Variants in SIK3 observed in about 807,000 individuals in gnomAD.
SIK3 encodes serine/threonine-protein kinase SIK3.
A neutral mutation model predicts 144.2 loss-of-function variants in SIK3; 28 were observed. The ratio of observed to expected loss-of-function variants is 0.19; its 90% CI spans 0.14 to 0.27. The LOEUF (loss-of-function observed/expected upper bound fraction) is 0.27, where lower values mean the gene tolerates loss of function less well. SIK3 is among the 10% of genes least tolerant of loss of function. SIK3 has a pLI of 1.00. For missense variants in SIK3, 1,319 were observed against 1,776.0 expected, an observed-to-expected ratio of 0.74 and a Z score of 4.62; for synonymous variants, 686 against 676.3, an observed-to-expected ratio of 1.01 and a Z score of -0.22.
chr11:117,011,790 G>A (rs898945513), intron 1 of SIK3, among the ~76,000 whole-genome samples: 2 of 152,222 alleles, frequency 1.3e-5, no homozygotes, highest in Admixed American at 1.3e-4. Context: ...GACCAGCCTG[G>A]ACAACACAGC....
chr11:116,964,518 G>A (rs1949454307), intron 1 of SIK3, among the ~76,000 whole-genome samples: 1 of 152,078 alleles, frequency 6.6e-6, no homozygotes, highest in East Asian at 1.9e-4. Context: ...GACTCTACAT[G>A]GCCAGCAAAG....
chr11:116,941,325 A>C (rs1948289340), intron 3 of SIK3, among the ~76,000 whole-genome samples: 1 of 152,078 alleles, frequency 6.6e-6, no homozygotes, highest in Admixed American at 6.5e-5. Context: ...TTTTTTAATA[A>C]TCAAAGGAGT....
chr11:116,930,169 T>C (rs758165313), intron 3 of SIK3, among the ~76,000 whole-genome samples: 36 of 152,250 alleles, frequency 2.4e-4, no homozygotes, highest in Middle Eastern at 3.4e-3. Context: ...TTGGGAGCAC[T>C]GTGCTCTTCA....
At chr11:117,016,403 G>GGAAGGAAGGAAGGAAA (rs1951538866) in intron 1 of SIK3, among the ~76,000 whole-genome samples, 1 of 130,110 alleles carries the variant, frequency 7.7e-6, no homozygotes, top group Non-Finnish European at 1.6e-5. Context: ...AGGGAAGGAA[G>GGAAGGAAGGAAGGAAA]GAAGGAAGGA....
intron 6 of SIK3, among the ~76,000 whole-genome samples, chr11:116,887,768 C>T (rs750455705): frequency 3.2e-4 from 49 of 152,250 alleles, no homozygotes; most frequent in Admixed American, 2.6e-4. Context: ...CTCTGATAAT[C>T]AAGAGGCTTA....
chr11:116,922,018 A>G (rs574802966), intron 4 of SIK3, among the ~76,000 whole-genome samples: 1 of 152,282 alleles, frequency 6.6e-6, no homozygotes, highest in South Asian at 2.1e-4. Flanking sequence ...CTTGATCTCA[A>G]CTAGCTGGGA....
intron 1 of SIK3, among the ~76,000 whole-genome samples, chr11:117,003,858 G>A (rs1283967274): frequency 1.3e-5 from 2 of 152,132 alleles, no homozygotes; most frequent in East Asian, 1.9e-4. Flanking sequence ...TACAGATGAG[G>A]AGTATAGATT....
intron 1 of SIK3, among the ~76,000 whole-genome samples, chr11:116,975,183 T>A (rs2135484228): frequency 6.6e-6 from 1 of 150,522 alleles, no homozygotes; most frequent in South Asian, 2.1e-4. Flanking sequence ...ATTCTAGTTA[T>A]TTAAAAAAAA....
chr11:116,850,248 T>C (rs781705871), intron 21 of SIK3, among the ~76,000 whole-genome samples: 8 of 152,194 alleles, frequency 5.3e-5, no homozygotes, highest in Non-Finnish European at 8.8e-5. Flanking sequence ...CTGTAGTCCA[T>C]TCACTTTCAT....
At chr11:116,916,119 A>G (rs1471332038) in intron 4 of SIK3, among the ~76,000 whole-genome samples, 2 of 152,210 alleles carry the variant, frequency 1.3e-5, no homozygotes, top group Non-Finnish European at 2.9e-5. Context: ...AACACTGAAA[A>G]TCTCTGAGGA....
In SIK3 at chr11:116,846,659, G is replaced by T; in HGVS notation, c.3953-106C>A. 6 of 1,295,426 alleles carry T rather than the reference G, an allele frequency of 4.6e-6. No homozygotes were observed. Among genetic ancestry groups the T allele is most frequent in the Non-Finnish European group, 5.4e-6 (5 of 924,934 alleles). 80.2% of individuals were successfully genotyped at this position (1,295,426 alleles called of 1,614,324 possible). A position where few individuals can be genotyped will look rare whatever the true frequency, so the allele number is the denominator to read the frequency against. ...AAGGCAACCTGTCGAGCATCCCACA[G>T]CCTGACTCCCAGCCCTGAATTCTAG... On this transcript the variant is annotated intron_variant, in intron 23 of 24. Coordinates refer to ENST00000445177, the MANE Select transcript of SIK3 (RefSeq NM_001366686.3). This position sits in a 1 kb window ranked among gnomAD's most constrained non-coding sequence, Gnocchi z 4.1.
intron 6 of SIK3, among the ~76,000 whole-genome samples, chr11:116,889,533 C>A (rs898973915): frequency 6.6e-6 from 1 of 152,130 alleles, no homozygotes; most frequent in Non-Finnish European, 1.5e-5. Context: ...TACCACTAGG[C>A]TCTAGCTTAG....
chr11:116,919,133 A>G (rs76844341), intron 4 of SIK3, among the ~76,000 whole-genome samples: 5,072 of 152,298 alleles, frequency 0.033, 202 homozygotes, highest in East Asian at 0.19. Flanking sequence ...TGAGTATTGC[A>G]TAACTACTTC....
intron 1 of SIK3, among the ~76,000 whole-genome samples, chr11:116,973,985 A>T (rs771712180): frequency 3.3e-5 from 5 of 152,210 alleles, no homozygotes; most frequent in Non-Finnish European, 5.9e-5. Flanking sequence ...ATTTTGGTAA[A>T]AACTAACGGA....
At chr11:117,095,947 T>C (rs1008529956) in intron 1 of SIK3, among the ~76,000 whole-genome samples, 2 of 152,166 alleles carry the variant, frequency 1.3e-5, no homozygotes, top group Admixed American at 6.5e-5. Context: ...ATACCACAAA[T>C]GATCAAAGAT....
intron 4 of SIK3, among the ~76,000 whole-genome samples, chr11:116,923,762 G>A (rs1947130803): frequency 6.6e-6 from 1 of 152,206 alleles, no homozygotes; most frequent in Non-Finnish European, 1.5e-5. Context: ...TTAACACAGA[G>A]AGAGCCCAAG....
chr11:116,870,555 A>G (rs1943914695), intron 13 of SIK3, among the ~76,000 whole-genome samples, 154 bp from the exon 14 acceptor site: 1 of 152,040 alleles, frequency 6.6e-6, no homozygotes, highest in Admixed American at 6.5e-5. Context: ...TCATATACCT[A>G]TTTTTCCATT....
chr11:116,855,111 T>TAAAAAAAAAAAAAA (rs1942797661), intron 21 of SIK3, among the ~76,000 whole-genome samples: 2 of 115,518 alleles, frequency 1.7e-5, no homozygotes, highest in African/African-American at 1.1e-4. Flanking sequence ...AAAAAAAAAC[T>TAAAAAAAAAAAAAA]TGAGTTTTTT....
At position 116,867,400 on chromosome 11, in the gene SIK3, C is replaced by T. The variant is rs559861160; in HGVS notation, c.1952+546G>A. Among the ~76,000 whole-genome samples the T allele has an allele frequency of 2.6e-5, 4 of 152,240 alleles. No homozygotes were observed. The highest frequency in any genetic ancestry group is 1.3e-4 in the Admixed American group (2 of 15,292). On this transcript the variant is annotated intron_variant, in intron 15 of 24. Transcript: ENST00000445177. This position sits in a 1 kb window ranked among gnomAD's most constrained non-coding sequence, Gnocchi z 4.1. The stretch of plus-strand genomic sequence containing the variant: ...CAAGAGAATGGATTATAACCATAAC[C>T]GAACCTAGCAAAAGATTTTTGCCAT...
Sources: allele counts gnomAD v4.1 joint callset (sites outside exome capture counted in the v4.1 genomes callset), GRCh38; gene constraint gnomAD v4.1.1; non-coding constraint Gnocchi (gnomAD v3.1); transcripts MANE v1.5; gene names NCBI Gene and HGNC (gene_info 2026-07-23, HGNC 2026-07-21).